SAP25: variants seen among roughly 807,000 people sequenced by gnomAD.
SAP25 encodes Sin3A associated protein 25.
In SAP25, 24 loss-of-function variants were observed where a neutral mutation model predicts 31.5. The observed-to-expected ratio is 0.76, with a 90% CI of 0.55 to 1.07. The LOEUF (loss-of-function observed/expected upper bound fraction) is 1.07, where lower values mean the gene tolerates loss of function less well. SAP25 is among the 50% of genes least tolerant of loss of function. SAP25 has a pLI of 0.00. For missense variants in SAP25, 377 were observed against 418.8 expected (o/e 0.90, Z 0.87); for synonymous variants, 180 against 186.0 (o/e 0.97, Z 0.26).
At position 100,572,708 on chromosome 7, in the gene SAP25, A is replaced by C. The variant is rs567978171; in HGVS notation, c.555T>G (p.Pro185=). 1 of 1,535,586 alleles carries C rather than the reference A, an allele frequency of 6.5e-7. No individual in the cohort carries two copies. The highest frequency in any genetic ancestry group is 1.4e-5 in the African/African-American group (1 of 72,950). ...VCCEDVFLSD[P]LLPRGQRVPL... ...GAACACGCTGCCCCCGGGGCAGCAGAGGGTCCGAGAGGAAGACATCTTCAC... is the reference window on the plus strand; with the variant it reads ...GAACACGCTGCCCCCGGGGCAGCAGCGGGTCCGAGAGGAAGACATCTTCAC... The change falls in exon 5 of 6, where the codon CCT becomes CCG. Residue 185 remains proline, a synonymous_variant. Coordinates refer to ENST00000622764, the MANE Select transcript of SAP25 (RefSeq NM_001348680.2). The surrounding 1 kb of genome is among the most constrained non-coding windows in gnomAD (Gnocchi z 4.1).
rs894810942 is a variant in SAP25 at position 100,572,977 on chromosome 7, G to A, written c.394C>T (p.Arg132Trp). The A allele has an allele frequency of 1.1e-5, 17 of 1,506,852 alleles. No homozygotes were observed. Among genetic ancestry groups the A allele is most frequent in the Non-Finnish European group, 1.3e-5 (15 of 1,130,876 alleles). 93.3% of individuals were successfully genotyped at this position (1,506,852 alleles called of 1,614,324 possible). Reference sequence around the variant, plus strand: ...CAGAATGAGGGGTGACACAGCGTCCGGCCTGAGAACGAGGCTCCTGAGCTA... The same window carrying A: ...CAGAATGAGGGGTGACACAGCGTCCAGCCTGAGAACGAGGCTCCTGAGCTA... ...NCSSGASFSG[R>W]TLCHPSFWPL... The change falls in exon 4 of 6, where the codon CGG becomes TGG. Residue 132 changes from arginine to tryptophan, a missense_variant. Coordinates refer to ENST00000622764, the MANE Select transcript of SAP25 (RefSeq NM_001348680.2). This position sits in a 1 kb window ranked among gnomAD's most constrained non-coding sequence, Gnocchi z 4.1.
In SAP25 at chr7:100,573,197, T is replaced by TG; in HGVS notation, c.265dup (p.Gln89ProfsTer22). On this transcript the variant is annotated frameshift_variant, in exon 3 of 6. Coordinates refer to ENST00000622764, the MANE Select transcript of SAP25 (RefSeq NM_001348680.2). LOFTEE classifies it high-confidence loss of function. ...CGAGGGGGCCACCTCCCAGGCCACC[T>TG]GGGGGGAACGGGGATCTGGGGGGAC... The TG allele has an allele frequency of 2.0e-6, 3 of 1,520,958 alleles. No homozygotes were observed. The highest frequency in any genetic ancestry group is 2.6e-6 in the Non-Finnish European group (3 of 1,137,158). The allele number at this position is 1,520,958 out of a possible 1,614,324, so 94.2% of individuals were successfully genotyped here.
In SAP25 at chr7:100,572,669, G is replaced by A; in HGVS notation, c.594C>T (p.Ser198=). Residue 198 remains serine, a synonymous_variant, in exon 5 of 6, where the codon TCC becomes TCT. Transcript: ENST00000622764. The surrounding 1 kb of genome is among the most constrained non-coding windows in gnomAD (Gnocchi z 4.1). ...PRGQRVPLYL[S]KAPQQMMGSL... ...GAGCTCTCACCTGCTGGGGGGCCTT[G>A]GACAGGTACAGGGGAACACGCTGCC... The A allele has an allele frequency of 8.5e-6, 13 of 1,534,912 alleles. No individual in the cohort carries two copies. The highest frequency in any genetic ancestry group is 1.0e-5 in the Non-Finnish European group (12 of 1,145,982).
In SAP25 at chr7:100,572,782, T is replaced by C; in HGVS notation, c.512-31A>G. 1 of 1,516,526 alleles carries C rather than the reference T, an allele frequency of 6.6e-7. No individual in the cohort carries two copies. The allele number at this position is 1,516,526 out of a possible 1,614,324, so 93.9% of individuals were successfully genotyped here. ...AGGAAACACCACTAGGGTGGCGGGC[T>C]GCGGGCTCCCACCCCTGGGCACTGG... On this transcript the variant is annotated intron_variant, in intron 4 of 5. Coordinates refer to ENST00000622764, the MANE Select transcript of SAP25 (RefSeq NM_001348680.2). This position sits in a 1 kb window ranked among gnomAD's most constrained non-coding sequence, Gnocchi z 4.1.
Position 100,573,098 on chromosome 7 carries a change from C to T in SAP25, c.357+8G>A. 6.5e-7 allele frequency: 1 copy of T among 1,534,320 alleles called. No individual in the cohort carries two copies. Among genetic ancestry groups the T allele is most frequent in the African/African-American group, 1.4e-5 (1 of 73,086 alleles). ...CCAGCCAGTCCCACAGGTTTGCCCCCAACTCACCCACACCGGCCGAGGTCC... is the reference window on the plus strand; with the variant it reads ...CCAGCCAGTCCCACAGGTTTGCCCCTAACTCACCCACACCGGCCGAGGTCC... On this transcript the variant is annotated splice_region_variant and intron_variant, in intron 3 of 5. Coordinates refer to ENST00000622764, the MANE Select transcript of SAP25 (RefSeq NM_001348680.2).
At chr7:100,573,469 C>T in intron 1 of SAP25, 69 bp from the exon 2 acceptor site, 1 of 1,238,254 alleles carries the variant, frequency 8.1e-7, no homozygotes, top group East Asian at 2.9e-5. Context: ...CCCAAGGGTG[C>T]CTGGTGCAAG....
chr7:100,573,893 G>T lies in SAP25; in HGVS notation c.-151C>A. 1 of 572,978 alleles carries T rather than the reference G, an allele frequency of 1.7e-6. No individual in the cohort carries two copies. Among genetic ancestry groups the T allele is most frequent in the Non-Finnish European group, 2.3e-6 (1 of 429,378 alleles). The allele number at this position is 572,978 out of a possible 1,614,324, so 35.5% of individuals were successfully genotyped here. ...GACGCTGGCGCCCTGTGCGTCTCCC[G>T]GCCACGTGGCGCGTGCCCCCGCCGG... On this transcript the variant is annotated 5_prime_UTR_variant, in exon 1 of 6. Transcript: ENST00000622764.
Position 100,573,448 on chromosome 7 carries a change from C to A in SAP25, c.147-48G>T, listed in dbSNP as rs566741441. 20 of 1,248,176 alleles carry A rather than the reference C, an allele frequency of 1.6e-5. No homozygotes were observed. In the South Asian group the frequency reaches 4.6e-4, roughly 29 times the overall value. The allele number at this position is 1,248,176 out of a possible 1,614,324, so 77.3% of individuals were successfully genotyped here. On this transcript the variant is annotated intron_variant, in intron 1 of 5. Coordinates refer to ENST00000622764, the MANE Select transcript of SAP25 (RefSeq NM_001348680.2). ...TGCAGCCACACCGCCCCCACGCACC[C>A]TCCCCTGGAGCCCAAGGGTGCCTGG...
chr7:100,573,747 C>T lies in SAP25; in HGVS notation c.-5G>A, dbSNP rs1801232417. ...CGGCGGCGACCAGGGCAACATTCCG[C>T]GTTCCCGAGCGCAGGACGGTACCGC... On this transcript the variant is annotated 5_prime_UTR_variant, in exon 1 of 6. Coordinates refer to ENST00000622764, the MANE Select transcript of SAP25 (RefSeq NM_001348680.2). 1 of 1,214,092 alleles carries T rather than the reference C, an allele frequency of 8.2e-7. No individual in the cohort carries two copies. The highest frequency in any genetic ancestry group is 1.6e-5 in the African/African-American group (1 of 63,584). The allele number at this position is 1,214,092 out of a possible 1,614,324, so 75.2% of individuals were successfully genotyped here. A position where few individuals can be genotyped will look rare whatever the true frequency, so the allele number is the denominator to read the frequency against.
At position 100,573,297 on chromosome 7, in the gene SAP25, C is replaced by G. The variant is rs1801205662; in HGVS notation, c.250G>C (p.Asp84His). The G allele has an allele frequency of 7.2e-7, 1 of 1,393,486 alleles. No individual in the cohort carries two copies. The highest frequency in any genetic ancestry group is 2.7e-4 in the Middle Eastern group (1 of 3,770). The allele number at this position is 1,393,486 out of a possible 1,614,324, so 86.3% of individuals were successfully genotyped here. ...GTAGAGGCAGCAGGGCCTGTCCTAC[C>G]TGGGGCTCCGGGGGGCTGCTCAGTG... ...PATEQPPGAP[D>H]PRSPQVAWEV... The change falls in exon 2 of 6, where the codon GAT becomes CAT. Residue 84 changes from aspartate to histidine, a missense_variant and splice_region_variant. Coordinates refer to ENST00000622764, the MANE Select transcript of SAP25 (RefSeq NM_001348680.2).
In SAP25 at chr7:100,573,139, C is replaced by T. The variant is rs1338225765; in HGVS notation, c.324G>A (p.Lys108=). The change falls in exon 3 of 6, where the codon AAG becomes AAA. Residue 108 remains lysine, a synonymous_variant. Transcript: ENST00000622764. ...GCCGAGGTCCTGCTTTGGCTTCATA[C>T]TTGGGGTCCCAGGGCGCTAGTGGAG... ...RMTPLAPWDP[K]YEAKAGPRPV... 1.7e-5 allele frequency: 26 copies of T among 1,536,122 alleles called. No individual in the cohort carries two copies. The highest frequency in any genetic ancestry group is 1.7e-4 in the Middle Eastern group (1 of 5,982).
chr7:100,573,455 G>A, intron 1 of SAP25, 55 bp from the exon 2 acceptor site: 1 of 1,231,894 alleles, frequency 8.1e-7, no homozygotes, highest in Non-Finnish European at 1.0e-6. Context: ...ACCCTCCCCT[G>A]GAGCCCAAGG....
rs564294649 is a variant in SAP25, at chr7:100,573,113, G to A, written c.350C>T (p.Pro117Leu). Residue 117 changes from proline (P) to leucine (L), a missense_variant, in exon 3 of 6, where the codon CCG (proline) becomes CTG (leucine). By Grantham distance (98) the Pro-to-Leu change is moderately conservative. Transcript: ENST00000622764. Reference sequence around the variant, plus strand: ...GGTTTGCCCCCAACTCACCCACACCGGCCGAGGTCCTGCTTTGGCTTCATA... The same window carrying A: ...GGTTTGCCCCCAACTCACCCACACCAGCCGAGGTCCTGCTTTGGCTTCATA... ...PKYEAKAGPR[P>L]VWGANCSSGA... 18 of 1,535,746 alleles carry A rather than the reference G, an allele frequency of 1.2e-5. No individual in the cohort carries two copies. The highest frequency in any genetic ancestry group is 8.3e-5 in the South Asian group (7 of 83,992).
chr7:100,573,238 C>T (rs1178104040), intron 2 of SAP25, 26 bp from the exon 3 acceptor site: 5 of 1,452,512 alleles, frequency 3.4e-6, no homozygotes, highest in South Asian at 2.6e-5. Flanking sequence ...GGGATTATAA[C>T]AGGCTCACAG....
chr7:100,572,644 G>A lies in SAP25; in HGVS notation c.609+10C>T. 2.0e-6 allele frequency: 3 copies of A among 1,528,606 alleles called. No individual in the cohort carries two copies. The highest frequency in any genetic ancestry group is 2.6e-6 in the Non-Finnish European group (3 of 1,143,888). 94.7% of individuals were successfully genotyped at this position (1,528,606 alleles called of 1,614,324 possible). On this transcript the variant is annotated intron_variant, in intron 5 of 5. Coordinates refer to ENST00000622764, the MANE Select transcript of SAP25 (RefSeq NM_001348680.2). The surrounding 1 kb of genome is among the most constrained non-coding windows in gnomAD (Gnocchi z 4.1). ...CTGGGGTAAGGACAGGGAGGGGAAA[G>A]AGCTCTCACCTGCTGGGGGGCCTTG...
At position 100,573,001 on chromosome 7, in the gene SAP25, TAC is replaced by T. The variant is rs1341280963; in HGVS notation, c.368_369del (p.Cys123Ter). 8 of 1,492,954 alleles carry T rather than the reference TAC, an allele frequency of 5.4e-6. No individual in the cohort carries two copies. Among genetic ancestry groups the T allele is most frequent in the Non-Finnish European group, 6.2e-6 (7 of 1,124,342 alleles). The allele number at this position is 1,492,954 out of a possible 1,614,324, so 92.5% of individuals were successfully genotyped here. On this transcript the variant is annotated frameshift_variant, in exon 4 of 6. Transcript: ENST00000622764. LOFTEE classifies it high-confidence loss of function. ...CGGCCTGAGAACGAGGCTCCTGAGC[TAC>T]AGTTGGCCCCCTAGGGTGAGGAGGA... is the stretch of plus-strand genomic sequence containing the variant. The part of the protein sequence containing the change: ...AGPRPVWGAN[C>X]SSGASFSGRT...
chr7:100,573,471 T>G, intron 1 of SAP25, 71 bp from the exon 2 acceptor site: 1 of 1,240,878 alleles, frequency 8.1e-7, no homozygotes, highest in Non-Finnish European at 1.0e-6. Context: ...CAAGGGTGCC[T>G]GGTGCAAGGG....
chr7:100,572,948 C>T lies in SAP25; in HGVS notation c.423G>A (p.Pro141=), dbSNP rs774347372. The change falls in exon 4 of 6, where the codon CCG becomes CCA. Residue 141 remains proline (P), a synonymous_variant. Transcript: ENST00000622764. The surrounding 1 kb of genome is among the most constrained non-coding windows in gnomAD (Gnocchi z 4.1). ...GRTLCHPSFW[P]LYEAASGRGL... Reference sequence around the variant, plus strand: ...CCCTGCCCGAGGCTGCTTCATACAGCGGCCAGAATGAGGGGTGACACAGCG... The same window carrying T: ...CCCTGCCCGAGGCTGCTTCATACAGTGGCCAGAATGAGGGGTGACACAGCG... 54 of 1,507,958 alleles carry T rather than the reference C, an allele frequency of 3.6e-5. No individual in the cohort carries two copies. The highest frequency in any genetic ancestry group is 8.3e-5 in the African/African-American group (6 of 72,028). 93.4% of individuals were successfully genotyped at this position (1,507,958 alleles called of 1,614,324 possible).
chr7:100,572,934 G>T lies in SAP25; in HGVS notation c.437C>A (p.Ala146Asp), dbSNP rs945488809. Residue 146 changes from alanine (A) to aspartate (D), a missense_variant, in exon 4 of 6, where the codon GCC (alanine) becomes GAC (aspartate). Coordinates refer to ENST00000622764, the MANE Select transcript of SAP25 (RefSeq NM_001348680.2). The surrounding 1 kb of genome is among the most constrained non-coding windows in gnomAD (Gnocchi z 4.1). The stretch of plus-strand genomic sequence containing the variant: ...CACGGGCCTGAGACCCCTGCCCGAG[G>T]CTGCTTCATACAGCGGCCAGAATGA... The part of the protein sequence containing the change: ...HPSFWPLYEA[A>D]SGRGLRPVAP... 2.7e-6 allele frequency: 4 copies of T among 1,500,824 alleles called. No individual in the cohort carries two copies. In the African/African-American group the frequency reaches 4.2e-5, roughly 16 times the overall value. 93.0% of individuals were successfully genotyped at this position (1,500,824 alleles called of 1,614,324 possible). A position where few individuals can be genotyped will look rare whatever the true frequency, so the allele number is the denominator to read the frequency against.
Sources: allele counts gnomAD v4.1 joint callset, GRCh38; gene constraint gnomAD v4.1.1; non-coding constraint Gnocchi (gnomAD v3.1); transcripts MANE v1.5; gene names NCBI Gene and HGNC (gene_info 2026-07-23, HGNC 2026-07-21).